FER: variants seen among roughly 807,000 people sequenced by gnomAD.
The protein encoded by FER is FER tyrosine kinase.
Under a neutral mutation model 111.0 loss-of-function variants are expected in FER, and 63 were observed. That is an observed-to-expected ratio of 0.57 (90% CI 0.46 to 0.70). The LOEUF is 0.70. FER is among the 30% of genes least tolerant of loss of function. FER has a pLI of 0.00. For missense variants in FER, 914 were observed against 954.0 expected (o/e 0.96, Z 0.55); for synonymous variants, 327 against 313.9 (o/e 1.04, Z -0.44).
At chr5:109,006,831 A>G (rs912327904) in intron 13 of FER, among the ~76,000 whole-genome samples, 4 of 152,056 alleles carry the variant, frequency 2.6e-5, no homozygotes, top group African/African-American at 4.8e-5. Context: ...GGTGGGGGGA[A>G]AAAAAATCTT....
At chr5:109,109,799 A>G (rs919010599) in intron 17 of FER, among the ~76,000 whole-genome samples, 3 of 152,100 alleles carry the variant, frequency 2.0e-5, no homozygotes, top group Non-Finnish European at 2.9e-5. Context: ...TCACCTTACC[A>G]TGGTCCCCAG....
At position 109,100,314 on chromosome 5, in the gene FER, A is replaced by G. The variant is rs375753224; in HGVS notation, c.1925-82A>G. On this transcript the variant is annotated intron_variant, in intron 16 of 19. Coordinates refer to ENST00000281092, the MANE Select transcript of FER (RefSeq NM_005246.4). ...TGTGTAATGCATTTTGCTCTGTCAA[A>G]TATTCCTAATAGATCCAAATAGATG... The G allele has an allele frequency of 3.9e-6, 6 of 1,542,936 alleles. No individual in the cohort carries two copies. The African/African-American group carries it at 5.5e-5, about 14-fold the overall frequency.
intron 9 of FER, among the ~76,000 whole-genome samples, chr5:108,891,058 T>G (rs1408968683): frequency 6.6e-6 from 1 of 152,148 alleles, no homozygotes; most frequent in African/African-American, 2.4e-5. Context: ...TATGCTATAT[T>G]TGAGCCATTC....
At chr5:109,108,399 C>A (rs1380173790) in intron 17 of FER, among the ~76,000 whole-genome samples, 1 of 152,152 alleles carries the variant, frequency 6.6e-6, no homozygotes, top group Non-Finnish European at 1.5e-5. Context: ...GGATATCCCT[C>A]TTATGAAGCA....
intron 16 of FER, among the ~76,000 whole-genome samples, chr5:109,086,362 A>G (rs11738117): frequency 0.27 from 41,099 of 151,508 alleles, 5,755 homozygotes; most frequent in Middle Eastern, 0.31. Flanking sequence ...AGGGCCTGTA[A>G]AGATGTTTCA....
intron 5 of FER, among the ~76,000 whole-genome samples, chr5:108,862,253 G>T (rs1192740347): frequency 6.6e-6 from 1 of 152,090 alleles, no homozygotes; most frequent in Non-Finnish European, 1.5e-5. Context: ...ATGACTTCAG[G>T]CTGTTTGTCA....
chr5:109,059,784 G>A (rs893625857), intron 16 of FER, among the ~76,000 whole-genome samples: 15 of 152,102 alleles, frequency 9.9e-5, no homozygotes, highest in Admixed American at 3.9e-4. Context: ...TTCCCAAAAC[G>A]TTAAATAAAA....
At chr5:108,861,816 T>C (rs1010524735) in intron 5 of FER, among the ~76,000 whole-genome samples, 2 of 152,198 alleles carry the variant, frequency 1.3e-5, no homozygotes, top group Non-Finnish European at 2.9e-5. Flanking sequence ...CATTGGTTTT[T>C]ATATGGTATT....
At chr5:109,081,553 C>T (rs1307440156) in intron 16 of FER, among the ~76,000 whole-genome samples, 1 of 151,676 alleles carries the variant, frequency 6.6e-6, no homozygotes, top group East Asian at 1.9e-4. Context: ...TATTTCATAC[C>T]CTGAATGATA....
chr5:108,988,186 G>A (rs1028280705), intron 13 of FER, among the ~76,000 whole-genome samples: 6 of 152,122 alleles, frequency 3.9e-5, no homozygotes, highest in East Asian at 3.9e-4. Context: ...TGTTGGATTC[G>A]GTTAGCTTGT....
chr5:109,131,688 T>C (rs75695556), intron 17 of FER, among the ~76,000 whole-genome samples: 1,593 of 152,274 alleles, frequency 0.01, 22 homozygotes, highest in African/African-American at 0.037. Context: ...ATAATGCTGA[T>C]GAGTGCTTTT....
At chr5:109,024,413 G>T (rs1314612061) in intron 13 of FER, among the ~76,000 whole-genome samples, 1 of 152,122 alleles carries the variant, frequency 6.6e-6, no homozygotes, top group Non-Finnish European at 1.5e-5. Flanking sequence ...GGAATGGAAA[G>T]AAAACGAAAG....
At chr5:108,754,480 T>A (rs1489071960) in intron 1 of FER, among the ~76,000 whole-genome samples, 1 of 151,940 alleles carries the variant, frequency 6.6e-6, no homozygotes, top group Non-Finnish European at 1.5e-5. Flanking sequence ...ACCTTACAAT[T>A]CTGTAAGGGA....
chr5:108,892,155 A>T (rs1195188834), intron 9 of FER, among the ~76,000 whole-genome samples: 3 of 152,104 alleles, frequency 2.0e-5, no homozygotes, highest in African/African-American at 7.2e-5. Context: ...TAGCAGCATG[A>T]TTTATAGTCC....
intron 13 of FER, among the ~76,000 whole-genome samples, chr5:109,012,045 C>G (rs903131949): frequency 6.6e-6 from 1 of 152,196 alleles, no homozygotes; most frequent in African/African-American, 2.4e-5. Flanking sequence ...CTTTAGCCCT[C>G]AGTCCTTGAT....
chr5:109,147,055 TAAAC>T lies in FER; in HGVS notation c.2049-33689_2049-33686del, dbSNP rs1274030305. ...CACTTCCATTCATAGAGATTATAAA[TAAAC>T]AACTGAATGGAAAAATGGGTAAAGG... is the stretch of plus-strand genomic sequence containing the variant. On this transcript the variant is annotated intron_variant, in intron 17 of 19. Transcript: ENST00000281092. Among the ~76,000 whole-genome samples, 3 of 151,268 alleles carry T rather than the reference TAAAC, an allele frequency of 2.0e-5. No homozygotes were observed. The East Asian group carries it at 5.8e-4, about 29-fold the overall frequency.
At chr5:109,113,642 G>C (rs1027184060) in intron 17 of FER, among the ~76,000 whole-genome samples, 8 of 152,142 alleles carry the variant, frequency 5.3e-5, no homozygotes, top group African/African-American at 1.9e-4. Context: ...ACCTCTTGAA[G>C]GGTGGAACTA....
intron 17 of FER, among the ~76,000 whole-genome samples, chr5:109,111,873 A>C (rs1749663626): frequency 1.3e-5 from 2 of 152,140 alleles, no homozygotes; most frequent in Admixed American, 1.3e-4. Flanking sequence ...ACATGAGATT[A>C]GGGTGGGGAA....
Position 109,190,760 on chromosome 5 carries a change from A to G in FER, c.*3185A>G, listed in dbSNP as rs1759320086. The G allele has an allele frequency of 6.6e-6, 1 of 152,174 alleles. No individual in the cohort carries two copies. Among genetic ancestry groups the G allele is most frequent in the African/African-American group, 2.4e-5 (1 of 41,452 alleles). The allele number at this position is 152,174 out of a possible 1,614,324, so 9.4% of individuals were successfully genotyped here. On this transcript the variant is annotated 3_prime_UTR_variant, in exon 20 of 20. Transcript: ENST00000281092. ...GTTTCTCTTTTATCTCCCAAATTTA[A>G]TGTGGGCAATAAAATTCTCCTTTCG...
Sources: allele counts gnomAD v4.1 joint callset (sites outside exome capture counted in the v4.1 genomes callset), GRCh38; gene constraint gnomAD v4.1.1; transcripts MANE v1.5; gene names NCBI Gene and HGNC (gene_info 2026-07-23, HGNC 2026-07-21).